Variants in FAM185A observed in about 807,000 individuals in gnomAD.
FAM185A encodes the protein protein FAM185A.
A neutral mutation model predicts 45.7 loss-of-function variants in FAM185A; 21 were observed. That is an observed-to-expected ratio of 0.46 (90% confidence interval 0.33 to 0.66). FAM185A has a LOEUF of 0.66. Ranked by LOEUF, FAM185A falls within the 30% of genes least tolerant of loss-of-function variation. The pLI, the probability that FAM185A is intolerant of heterozygous loss-of-function variation, is 0.03. For missense variants in FAM185A, 305 were observed against 485.4 expected (o/e 0.63, Z 3.49); for synonymous variants, 117 against 194.0 (o/e 0.60, Z 3.30).
At chr7:102,767,368 C>T (rs2129435439) in intron 4 of FAM185A, among the ~76,000 whole-genome samples, 1 of 151,192 alleles carries the variant, frequency 6.6e-6, no homozygotes, top group Admixed American at 6.6e-5. Flanking sequence ...TACTTCTGCC[C>T]ATAGATCTTT....
At chr7:102,817,942 T>C in the FAM185A span, among the ~76,000 whole-genome samples, 4 of 152,214 alleles carry the variant, frequency 2.6e-5, no homozygotes, top group African/African-American at 9.6e-5. Context: ...AGAACAGTGA[T>C]TTTCAAACAT....
At chr7:102,784,772 C>G (rs541070551) in intron 6 of FAM185A, among the ~76,000 whole-genome samples, 2,279 of 152,268 alleles carry the variant, frequency 0.015, 65 homozygotes, top group African/African-American at 0.052. Flanking sequence ...AAAACTGGCA[C>G]AAGACAGGGA....
At chr7:102,793,403 G>A (rs1170187496) in intron 7 of FAM185A, among the ~76,000 whole-genome samples, 2 of 151,994 alleles carry the variant, frequency 1.3e-5, no homozygotes, top group Non-Finnish European at 2.9e-5. Flanking sequence ...GTAGAGACAG[G>A]GTTTCACCAT....
At chr7:102,808,199 TA>T in intron 7 of FAM185A, 90 bp from the exon 8 acceptor site, 1 of 831,806 alleles carries the variant, frequency 1.2e-6, no homozygotes, top group Non-Finnish European at 2.0e-6. Flanking sequence ...CTTGATGTTC[TA>T]AGGTGTTTTT....
intron 6 of FAM185A, among the ~76,000 whole-genome samples, chr7:102,785,231 T>C (rs1795706265): frequency 6.6e-6 from 1 of 151,812 alleles, no homozygotes; most frequent in East Asian, 1.9e-4. Context: ...GAAGAATCAA[T>C]ATCATGAAAA....
intron 7 of FAM185A, among the ~76,000 whole-genome samples, chr7:102,807,889 T>C (rs1169503340): frequency 6.6e-6 from 1 of 152,072 alleles, no homozygotes; most frequent in African/African-American, 2.4e-5. Flanking sequence ...TGAAACCCCA[T>C]CTCTACCAAA....
chr7:102,796,023 CGCAGAGCTG>C (rs1482515826), intron 7 of FAM185A, among the ~76,000 whole-genome samples: 2 of 151,980 alleles, frequency 1.3e-5, no homozygotes, highest in Non-Finnish European at 2.9e-5. Flanking sequence ...GAGAAATTCA[CGCAGAGCTG>C]GCTATGCAGG....
intron 7 of FAM185A, among the ~76,000 whole-genome samples, chr7:102,807,750 T>TA (rs57307357): frequency 6.9e-4 from 93 of 135,666 alleles, no homozygotes; most frequent in East Asian, 1.4e-3. Context: ...CGTCTCCACT[T>TA]AAAAAAAAAA....
intron 4 of FAM185A, among the ~76,000 whole-genome samples, chr7:102,771,658 A>G (rs1794750664): frequency 6.6e-6 from 1 of 152,066 alleles, no homozygotes; most frequent in South Asian, 2.1e-4. Flanking sequence ...GTAGTTTTGG[A>G]ATTATTTTAG....
At chr7:102,760,343 A>AATTACTTTG (rs1794038489) in intron 3 of FAM185A, among the ~76,000 whole-genome samples, 1 of 152,148 alleles carries the variant, frequency 6.6e-6, no homozygotes, top group African/African-American at 2.4e-5. Flanking sequence ...CTGTCATTAA[A>AATTACTTTG]TAGTAAATTT....
the FAM185A span, among the ~76,000 whole-genome samples, chr7:102,828,408 T>C: frequency 6.6e-6 from 1 of 152,216 alleles, no homozygotes; most frequent in Admixed American, 6.5e-5. Flanking sequence ...CTTATGGTCA[T>C]TTTAAAACCT....
chr7:102,776,485 T>G (rs1351039165), intron 5 of FAM185A, among the ~76,000 whole-genome samples: 2 of 152,114 alleles, frequency 1.3e-5, no homozygotes, highest in Non-Finnish European at 2.9e-5. Context: ...AATTATTATT[T>G]TCTTATCCTC....
intron 3 of FAM185A, among the ~76,000 whole-genome samples, chr7:102,759,501 CAT>C (rs113468329): frequency 0.076 from 11,494 of 151,718 alleles, 475 homozygotes; most frequent in African/African-American, 0.11. Context: ...TTTTATAAAA[CAT>C]AAAATAAATA....
At chr7:102,766,939 C>T (rs1184531307) in intron 4 of FAM185A, among the ~76,000 whole-genome samples, 6 of 151,804 alleles carry the variant, frequency 4.0e-5, no homozygotes, top group East Asian at 3.9e-4. Flanking sequence ...GGGATTAAGG[C>T]GCCTGCTACC....
At chr7:102,805,088 TA>T (rs1463723099) in intron 7 of FAM185A, among the ~76,000 whole-genome samples, 2 of 152,198 alleles carry the variant, frequency 1.3e-5, no homozygotes, top group East Asian at 1.9e-4. Context: ...GGTGAGTATG[TA>T]AACTAGTACA....
chr7:102,774,757 A>C (rs1794953075), intron 5 of FAM185A, among the ~76,000 whole-genome samples: 1 of 151,924 alleles, frequency 6.6e-6, no homozygotes, highest in Non-Finnish European at 1.5e-5. Flanking sequence ...TTTTAACATT[A>C]TTTACTTGTT....
Position 102,777,262 on chromosome 7 carries a change from C to T in FAM185A, c.845C>T (p.Ser282Phe). 1.3e-6 allele frequency: 2 copies of T among 1,548,010 alleles called. No individual in the cohort carries two copies. The highest frequency in any genetic ancestry group is 2.4e-5 in the South Asian group (2 of 83,218). ...TTTTTCTTCTTCCTAGATTCGTCTT[C>T]TGGATGTCTAAAAGCCTCAACTAAT... ...KMGNITVDSS[S>F]GCLKASTNQG... Residue 282 changes from serine (S) to phenylalanine (F), a missense_variant, in exon 6 of 8, where the codon TCT becomes TTT. Transcript: ENST00000413034.
the FAM185A span, among the ~76,000 whole-genome samples, chr7:102,844,208 G>GAGTCATTTATTA: frequency 2.0e-5 from 3 of 152,160 alleles, no homozygotes; most frequent in Non-Finnish European, 4.4e-5. Flanking sequence ...ATTAACTTCA[G>GAGTCATTTATTA]AGTCATTTAT....
At chr7:102,829,361 A>T in the FAM185A span, among the ~76,000 whole-genome samples, 1 of 152,216 alleles carries the variant, frequency 6.6e-6, no homozygotes, top group African/African-American at 2.4e-5. Context: ...CCTGCTTCAC[A>T]TCACCTACAC....
Sources: allele counts gnomAD v4.1 joint callset (sites outside exome capture counted in the v4.1 genomes callset), GRCh38; gene constraint gnomAD v4.1.1; transcripts MANE v1.5; gene names NCBI Gene and HGNC (gene_info 2026-07-23, HGNC 2026-07-21).